The following FGD4 variants were observed in gnomAD, a reference collection of about 807,000 sequenced individuals.
FGD4 encodes the protein FYVE, RhoGEF and PH domain containing 4, also known as FYVE, RhoGEF and PH domain-containing protein 4.
FGD4 carries 42 observed loss-of-function variants against 102.0 expected under a neutral mutation model. That is an observed-to-expected ratio of 0.41 (90% CI 0.32 to 0.53). The LOEUF (loss-of-function observed/expected upper bound fraction) is 0.53, where lower values mean the gene tolerates loss of function less well. FGD4 is among the 20% of genes least tolerant of loss of function. The probability of loss-of-function intolerance (pLI) is 0.21; values close to 1 mark genes in which losing one functional copy is unlikely to be tolerated. For synonymous variants in FGD4, 380 were observed against 375.7 expected (o/e 1.01, Z -0.13); for missense variants, 902 against 1,078.2 (o/e 0.84, Z 2.29).
At chr12:32,574,911 A>G (rs1473413562) in intron 2 of FGD4, 1 of 152,172 alleles carries the variant, frequency 6.6e-6, no homozygotes, top group African/African-American at 2.4e-5. Flanking sequence ...ATTCTATTTG[A>G]TCTGTCAACA....
In FGD4 at chr12:32,539,008, C is replaced by T. The variant is rs570770521; in HGVS notation, c.167-25129C>T. Among the ~76,000 whole-genome samples, 8 of 152,048 alleles carry T rather than the reference C, an allele frequency of 5.3e-5. No homozygotes were observed. The East Asian group carries it at 1.6e-3, about 30-fold the overall frequency. On this transcript the variant is annotated intron_variant, in intron 1 of 16. Coordinates refer to ENST00000534526, the MANE Select transcript of FGD4 (RefSeq NM_001370298.3). ...GGTGGAGGTTGCAGTGAGCTGAGAT[C>T]GTGCTATTGCACTTCAGCCTAGGTG...
chr12:32,575,219 C>G (rs1266855886), intron 2 of FGD4, among the ~76,000 whole-genome samples: 1 of 152,090 alleles, frequency 6.6e-6, no homozygotes, highest in African/African-American at 2.4e-5. Context: ...TGGGAATACC[C>G]GAAGCTGGGT....
chr12:32,417,353 T>A (rs1020176926), intron 1 of FGD4, among the ~76,000 whole-genome samples: 1 of 151,768 alleles, frequency 6.6e-6, no homozygotes, highest in African/African-American at 2.4e-5. Flanking sequence ...TAGGGTAAAT[T>A]TTTTTTTTCT....
Position 32,544,934 on chromosome 12 carries a change from T to C in FGD4, c.167-19203T>C, listed in dbSNP as rs1312465791. Among the ~76,000 whole-genome samples, 2 of 152,328 alleles carry C rather than the reference T, an allele frequency of 1.3e-5. No homozygotes were observed. The highest frequency in any genetic ancestry group is 2.1e-4 in the South Asian group (1 of 4,816). On this transcript the variant is annotated intron_variant, in intron 1 of 16. Transcript: ENST00000534526. The surrounding 1 kb of genome is among the most constrained non-coding windows in gnomAD (Gnocchi z 4.1). ...CCTGGGAAGCTTTAACATACACTGA[T>C]ACCTGGGTCTCATATCCCAGAGATT...
In FGD4 at chr12:32,498,370, G is replaced by A. The variant is rs74821564; in HGVS notation, c.167-65767G>A. ...ATTTTTGCAAAGTCGAGGGTTTGGT[G>A]GGTACTGTGATAACAAGCTGGTGAA... On this transcript the variant is annotated intron_variant, in intron 1 of 16. Coordinates refer to ENST00000534526, the MANE Select transcript of FGD4 (RefSeq NM_001370298.3). Among the ~76,000 whole-genome samples, 186 of 152,182 alleles carry A rather than the reference G, an allele frequency of 1.2e-3. 1 individual carries two copies. In the East Asian group the frequency reaches 0.025, roughly 21 times the overall value.
At chr12:32,618,417 C>G (rs1273854898) in intron 10 of FGD4, among the ~76,000 whole-genome samples, 1 of 149,184 alleles carries the variant, frequency 6.7e-6, no homozygotes, top group Admixed American at 6.7e-5. Flanking sequence ...TGGCCTTAAT[C>G]AGACGATGAT....
Position 32,608,024 on chromosome 12 carries a change from G to C in FGD4, c.1472G>C (p.Arg491Pro). 6.2e-7 allele frequency: 1 copy of C among 1,614,168 alleles called. No homozygotes were observed. Among genetic ancestry groups the C allele is most frequent in the East Asian group, 2.2e-5 (1 of 44,886 alleles). ...HMLEPVQRIP[R>P]YEMLLKDYLR... ...CTAGAACCTGTTCAGCGGATTCCCC[G>C]GTATGAGATGCTCCTTAAGGACTAT... Residue 491 changes from arginine to proline, a missense_variant, in exon 8 of 17, where the codon CGG (arginine) becomes CCG (proline). Arg to Pro is a moderately radical substitution (Grantham distance 103). This residue lies in a region of FGD4 where 459 missense variants were observed against 619.0 expected (regional missense o/e 0.74). Coordinates refer to ENST00000534526, the MANE Select transcript of FGD4 (RefSeq NM_001370298.3).
chr12:32,514,235 C>A (rs996722641), intron 1 of FGD4, among the ~76,000 whole-genome samples: 1 of 152,144 alleles, frequency 6.6e-6, no homozygotes, highest in African/African-American at 2.4e-5. Context: ...TAGTGATAGA[C>A]ATTTCAGTTA....
intron 14 of FGD4, among the ~76,000 whole-genome samples, chr12:32,627,315 T>C (rs189727252): frequency 1.3e-5 from 2 of 152,132 alleles, no homozygotes; most frequent in African/African-American, 4.8e-5. Context: ...CCACCACGCC[T>C]GGCTAATTTT....
chr12:32,572,071 C>T (rs537475758), intron 2 of FGD4, among the ~76,000 whole-genome samples: 3 of 151,666 alleles, frequency 2.0e-5, no homozygotes, highest in African/African-American at 4.9e-5. Flanking sequence ...TGTGTGCGTG[C>T]GTGTGTGTAT....
intron 1 of FGD4, among the ~76,000 whole-genome samples, chr12:32,525,815 G>T (rs1044969509): frequency 6.6e-6 from 1 of 152,222 alleles, no homozygotes; most frequent in Non-Finnish European, 1.5e-5. Flanking sequence ...CTTAGCACCC[G>T]GGCCAGTGGC....
At chr12:32,560,898 C>G (rs989517252) in intron 1 of FGD4, among the ~76,000 whole-genome samples, 1 of 151,736 alleles carries the variant, frequency 6.6e-6, no homozygotes, top group Non-Finnish European at 1.5e-5. Context: ...TCTTATGTTG[C>G]CCAGGCTGGT....
intron 1 of FGD4, among the ~76,000 whole-genome samples, chr12:32,527,726 G>T (rs771322124): frequency 6.6e-6 from 1 of 152,040 alleles, no homozygotes; most frequent in African/African-American, 2.4e-5. Context: ...ACTGCGCCCA[G>T]CCTATCTTAG....
At chr12:32,567,298 C>T (rs944973109) in intron 2 of FGD4, among the ~76,000 whole-genome samples, 2 of 152,192 alleles carry the variant, frequency 1.3e-5, no homozygotes, top group South Asian at 4.1e-4. Context: ...ACTGCCAACA[C>T]CACCAGCCCC....
intron 7 of FGD4, among the ~76,000 whole-genome samples, chr12:32,603,438 A>T (rs539280215): frequency 1.3e-5 from 2 of 151,088 alleles, no homozygotes; most frequent in East Asian, 4.0e-4. Context: ...CCCAGGCTGG[A>T]GTGCAGTGGC....
chr12:32,494,936 T>C (rs1476451011), intron 1 of FGD4, among the ~76,000 whole-genome samples: 2 of 152,206 alleles, frequency 1.3e-5, no homozygotes, highest in African/African-American at 2.4e-5. Flanking sequence ...GGAATGAGCA[T>C]AGACAGCTTG....
At chr12:32,487,818 C>T (rs1157138267) in intron 1 of FGD4, among the ~76,000 whole-genome samples, 1 of 152,230 alleles carries the variant, frequency 6.6e-6, no homozygotes, top group African/African-American at 2.4e-5. Flanking sequence ...CCTCCCGCCT[C>T]AGCCTCCCGA....
At chr12:32,412,511 C>T (rs1941247529) in intron 1 of FGD4, among the ~76,000 whole-genome samples, 1 of 152,102 alleles carries the variant, frequency 6.6e-6, no homozygotes, top group Non-Finnish European at 1.5e-5. Context: ...GGTATGGTGG[C>T]CCACACCTGT....
At chr12:32,495,865 T>G (rs1338450829) in intron 1 of FGD4, among the ~76,000 whole-genome samples, 1 of 152,180 alleles carries the variant, frequency 6.6e-6, no homozygotes, top group Non-Finnish European at 1.5e-5. Flanking sequence ...ACAGCCTTGC[T>G]GCACACAAAA....
Sources: gnomAD v4.1 joint callset for allele counts (sites outside exome capture counted in the v4.1 genomes callset) on GRCh38, gnomAD v4.1.1 for gene constraint, gnomAD v4.1.1 regional missense constraint, Gnocchi (gnomAD v3.1) non-coding constraint, MANE v1.5 for transcripts, NCBI Gene and HGNC (gene_info 2026-07-23, HGNC 2026-07-21) for gene names.